ERICH1: variants seen among roughly 807,000 people sequenced by gnomAD.
ERICH1 encodes glutamate rich 1, also known as glutamate-rich protein 1.
ERICH1 carries 56 observed loss-of-function variants against 39.6 expected under a neutral mutation model. The observed-to-expected ratio is 1.41, with a 90% CI of 1.14 to 1.77. The LOEUF (loss-of-function observed/expected upper bound fraction) is 1.77. ERICH1 is among the 40% of genes most tolerant of loss of function. The pLI is 0.00. For missense variants in ERICH1, 826 were observed against 575.4 expected (o/e 1.44, Z -4.45); for synonymous variants, 313 against 223.6 (o/e 1.40, Z -3.57).
At chr8:672,470 A>G (rs1425858185) in intron 4 of ERICH1, among the ~76,000 whole-genome samples, 1 of 152,218 alleles carries the variant, frequency 6.6e-6, no homozygotes, top group Non-Finnish European at 1.5e-5. Flanking sequence ...ATATTTCTCA[A>G]TCTTGCTCAT....
rs150434775 is a variant in ERICH1 at position 692,586 on chromosome 8, G to A, written c.196C>T (p.Arg66Ter). The A allele has an allele frequency of 1.4e-5, 22 of 1,605,682 alleles. No individual in the cohort carries two copies. The highest frequency in any genetic ancestry group is 5.1e-5 in the Admixed American group (3 of 58,798). ...GGCCCGCTGGCAGTGTAGAGCCGTCGGGCAGTCGGGGTCTCAGAGCCAGTG... is the reference window on the plus strand; with the variant it reads ...GGCCCGCTGGCAGTGTAGAGCCGTCAGGCAGTCGGGGTCTCAGAGCCAGTG... ...TDTGSETPTA[R>*]RLYTASGPPE... The change falls in exon 3 of 6, where the codon CGA becomes TGA. Residue 66 changes from arginine (R) to a stop codon, truncating the protein, a stop_gained. Transcript: ENST00000262109. LOFTEE classifies it high-confidence loss of function.
intron 2 of ERICH1, among the ~76,000 whole-genome samples, chr8:712,405 A>T (rs1814951215): frequency 6.6e-6 from 1 of 150,694 alleles, no homozygotes; most frequent in Non-Finnish European, 1.5e-5. Flanking sequence ...GGGGGGTGGT[A>T]ATATAAATGA....
intron 2 of ERICH1, among the ~76,000 whole-genome samples, chr8:698,272 G>A (rs1331255633): frequency 1.3e-5 from 2 of 150,542 alleles, no homozygotes; most frequent in Non-Finnish European, 2.9e-5. Flanking sequence ...AGGCTGGAGT[G>A]CAGCGGCTCG....
intron 3 of ERICH1, among the ~76,000 whole-genome samples, chr8:688,436 C>T (rs1247045355): frequency 1.3e-5 from 2 of 151,816 alleles, no homozygotes; most frequent in African/African-American, 2.4e-5. Flanking sequence ...CTTAGCGCCG[C>T]GCCCATTCTG....
At chr8:657,567 G>A (rs1800814304) in intron 3 of ERICH1, among the ~76,000 whole-genome samples, 1 of 150,584 alleles carries the variant, frequency 6.6e-6, no homozygotes, top group Non-Finnish European at 1.5e-5. Context: ...CCAGACTGGC[G>A]CCATTGTCTC....
chr8:671,352 G>C (rs1385543911), intron 4 of ERICH1, among the ~76,000 whole-genome samples: 3 of 117,688 alleles, frequency 2.5e-5, no homozygotes, highest in South Asian at 2.8e-4. Flanking sequence ...GCTCCAGGCT[G>C]AGACCTCTGA....
intron 3 of ERICH1, among the ~76,000 whole-genome samples, chr8:644,143 G>A (rs1385742315): frequency 2.0e-5 from 3 of 152,224 alleles, no homozygotes; most frequent in Non-Finnish European, 4.4e-5. Context: ...GGATCACTGT[G>A]TGGCCTCCTG....
At chr8:656,665 T>C (rs1351511076) in intron 3 of ERICH1, 1 of 874,150 alleles carries the variant, frequency 1.1e-6, no homozygotes, top group Non-Finnish European at 1.4e-6. Flanking sequence ...TTTTGGGGCT[T>C]ACTTGCCTCT....
At chr8:727,224 C>T (rs1004669277) in intron 1 of ERICH1, among the ~76,000 whole-genome samples, 12 of 151,914 alleles carry the variant, frequency 7.9e-5, no homozygotes, top group African/African-American at 9.7e-5. Flanking sequence ...ATAGGAACAG[C>T]GGCACACATA....
intron 3 of ERICH1, among the ~76,000 whole-genome samples, chr8:620,502 G>C (rs1407748887): frequency 6.6e-6 from 1 of 152,162 alleles, no homozygotes; most frequent in Non-Finnish European, 1.5e-5. Context: ...TGTCTGTATA[G>C]TATCTGCAAT....
chr8:636,005 T>C (rs1798409466), intron 3 of ERICH1, among the ~76,000 whole-genome samples: 1 of 152,236 alleles, frequency 6.6e-6, no homozygotes, highest in Admixed American at 6.5e-5. Flanking sequence ...AGCCCAAAGC[T>C]GCACCTTGCC....
At chr8:717,789 G>C (rs938547340) in intron 1 of ERICH1, among the ~76,000 whole-genome samples, 1 of 152,244 alleles carries the variant, frequency 6.6e-6, no homozygotes, top group Non-Finnish European at 1.5e-5. Context: ...CTGGAGCCAG[G>C]AAAATGCTAT....
At chr8:651,291 C>T (rs1799914820) in intron 3 of ERICH1, among the ~76,000 whole-genome samples, 1 of 152,204 alleles carries the variant, frequency 6.6e-6, no homozygotes, top group South Asian at 2.1e-4. Context: ...GACACTGTGA[C>T]ACTGGGTTGG....
intron 3 of ERICH1, among the ~76,000 whole-genome samples, chr8:628,680 G>A (rs1452816268): frequency 1.3e-5 from 2 of 152,186 alleles, no homozygotes; most frequent in African/African-American, 2.4e-5. Flanking sequence ...AAAGCCAGAG[G>A]AGGACGATGA....
chr8:622,383 A>G (rs894080368), intron 3 of ERICH1, among the ~76,000 whole-genome samples: 1 of 152,124 alleles, frequency 6.6e-6, no homozygotes, highest in Non-Finnish European at 1.5e-5. Context: ...AATGAATAGG[A>G]TTAATGCTTT....
At chr8:616,874 G>A (rs1473029481) in intron 3 of ERICH1, among the ~76,000 whole-genome samples, 3 of 112,248 alleles carry the variant, frequency 2.7e-5, no homozygotes, top group African/African-American at 1.2e-4. Flanking sequence ...GAGAGAGAGG[G>A]AGAGGGAGAC....
chr8:677,750 A>G (rs955202263), intron 3 of ERICH1, among the ~76,000 whole-genome samples: 1 of 152,176 alleles, frequency 6.6e-6, no homozygotes, highest in Non-Finnish European at 1.5e-5. Flanking sequence ...GCCTTCATGA[A>G]TTTGGAGATA....
chr8:636,865 CCTT>C (rs1459249756), intron 3 of ERICH1, among the ~76,000 whole-genome samples: 1 of 152,212 alleles, frequency 6.6e-6, no homozygotes, highest in Non-Finnish European at 1.5e-5. Flanking sequence ...TTGGGAGTCA[CCTT>C]CTGAGCATTT....
intron 3 of ERICH1, among the ~76,000 whole-genome samples, chr8:625,044 C>T (rs1319201014): frequency 6.6e-6 from 1 of 152,180 alleles, no homozygotes; most frequent in Non-Finnish European, 1.5e-5. Flanking sequence ...TTTAAACACT[C>T]AGGCTTCCTG....
Sources: allele counts gnomAD v4.1 joint callset (sites outside exome capture counted in the v4.1 genomes callset), GRCh38; gene constraint gnomAD v4.1.1; transcripts MANE v1.5; gene names NCBI Gene and HGNC (gene_info 2026-07-23, HGNC 2026-07-21).